CELF4: variants seen among roughly 807,000 people sequenced by gnomAD.
CELF4 encodes the protein CUGBP Elav-like family member 4, also known as CUG-BP- and ETR-3-like factor 4.
Under a neutral mutation model 59.9 loss-of-function variants are expected in CELF4, and 18 were observed. That is an observed-to-expected ratio of 0.30 (90% CI 0.21 to 0.45). The LOEUF (loss-of-function observed/expected upper bound fraction) is 0.45. Among genes scored for constraint, CELF4 ranks in the 20% least tolerant of loss-of-function variants. CELF4 has a pLI of 1.00. For missense variants in CELF4, 456 were observed against 689.0 expected (o/e 0.66, Z 3.79); for synonymous variants, 261 against 267.1 (o/e 0.98, Z 0.22).
chr18:37,396,347 ATGGGAGATCCAAATTCTTGTCCTAGC>A (rs2099244979), intron 2 of CELF4, among the ~76,000 whole-genome samples: 1 of 152,342 alleles, frequency 6.6e-6, no homozygotes, highest in South Asian at 2.1e-4. Flanking sequence ...TTGCTGCAAG[ATGGGAGATCCAAATTCTTGTCCTAGC>A]TGTGCTGCCC....
rs775605882 is a variant in CELF4, at chr18:37,270,832, G to T, written c.1035C>A (p.Pro345=). 1.2e-6 allele frequency: 2 copies of T among 1,613,938 alleles called. No individual in the cohort carries two copies. Among genetic ancestry groups the T allele is most frequent in the Admixed American group, 3.3e-5 (2 of 60,020 alleles). ...PIGVNGFTGL[P]PQANGQPAAE... ...CAGCAGGTTGCCCATTGGCCTGTGG[G>T]GGGAGGCCGGTGAAGCCATTCACCC... Residue 345 remains proline, a synonymous_variant, in exon 8 of 13, where the codon CCC becomes CCA. Coordinates refer to ENST00000420428, the MANE Select transcript of CELF4 (RefSeq NM_020180.4).
intron 1 of CELF4, among the ~76,000 whole-genome samples, chr18:37,516,623 T>C (rs945164353): frequency 2.6e-5 from 4 of 152,230 alleles, no homozygotes; most frequent in Non-Finnish European, 5.9e-5. Flanking sequence ...ATTTATGGCA[T>C]TATTCCTCAA....
At chr18:37,536,727 G>C (rs1220378208) in intron 1 of CELF4, among the ~76,000 whole-genome samples, 1 of 152,076 alleles carries the variant, frequency 6.6e-6, no homozygotes, top group Non-Finnish European at 1.5e-5. Flanking sequence ...TCTTGCACTT[G>C]CTCCCTCCCA....
intron 3 of CELF4, 87 bp from the exon 4 acceptor site, chr18:37,275,330 A>T (rs2092930359): frequency 7.3e-7 from 1 of 1,364,364 alleles, no homozygotes; most frequent in Non-Finnish European, 9.7e-7. Context: ...AGCGGCAGGG[A>T]AAGGGAGGAG....
At chr18:37,457,834 C>A (rs2099782577) in intron 2 of CELF4, among the ~76,000 whole-genome samples, 1 of 152,136 alleles carries the variant, frequency 6.6e-6, no homozygotes, top group African/African-American at 2.4e-5. Context: ...GTCCTCTATC[C>A]CTGCCCACTC....
intron 2 of CELF4, among the ~76,000 whole-genome samples, chr18:37,416,176 G>A (rs984680642): frequency 3.1e-5 from 2 of 65,528 alleles, no homozygotes; most frequent in African/African-American, 5.5e-5. Flanking sequence ...GGCCATTTGA[G>A]GTCATCCATC....
intron 2 of CELF4, among the ~76,000 whole-genome samples, chr18:37,392,126 C>T (rs2099168994): frequency 6.6e-6 from 1 of 152,218 alleles, no homozygotes; most frequent in South Asian, 2.1e-4. Context: ...CCCATATCTG[C>T]TCATCACTGT....
At chr18:37,247,654 CACAT>C (rs1213878722) in intron 12 of CELF4, 1 of 151,890 alleles carries the variant, frequency 6.6e-6, no homozygotes, top group Non-Finnish European at 1.5e-5. Flanking sequence ...CGCACGCACA[CACAT>C]ACACACATAC....
intron 10 of CELF4, among the ~76,000 whole-genome samples, chr18:37,262,872 C>G (rs1158836041): frequency 6.6e-6 from 1 of 152,164 alleles, no homozygotes; most frequent in African/African-American, 2.4e-5. Flanking sequence ...CAGTGGTAGC[C>G]CAGTGTCCCT....
rs141123314 is a variant in CELF4, at chr18:37,461,898, G to A, written c.369+23627C>T. On this transcript the variant is annotated intron_variant, in intron 2 of 12. Transcript: ENST00000420428. Reference sequence around the variant, plus strand: ...TGGTTGGATTGGAATTAGAAGCTGCGTATGTCTGACTGTTGGTGAGGATGC... The same window carrying A: ...TGGTTGGATTGGAATTAGAAGCTGCATATGTCTGACTGTTGGTGAGGATGC... Among the ~76,000 whole-genome samples the A allele has an allele frequency of 9.4e-4, 143 of 152,330 alleles. 1 individual carries two copies. The highest frequency in any genetic ancestry group is 2.8e-3 in the African/African-American group (115 of 41,572).
intron 2 of CELF4, among the ~76,000 whole-genome samples, chr18:37,476,861 C>T (rs1270613805): frequency 2.6e-5 from 4 of 152,220 alleles, no homozygotes; most frequent in African/African-American, 9.6e-5. Flanking sequence ...ACACCTCGCT[C>T]CACACATGCC....
At chr18:37,422,405 A>G (rs1370528800) in intron 2 of CELF4, among the ~76,000 whole-genome samples, 2 of 152,218 alleles carry the variant, frequency 1.3e-5, no homozygotes, top group South Asian at 2.1e-4. Context: ...ATTGGCTCCC[A>G]GCTCCCCTCC....
chr18:37,275,002 C>G, intron 4 of CELF4, 113 bp downstream of exon 4: 1 of 1,537,376 alleles, frequency 6.5e-7, no homozygotes, highest in Non-Finnish European at 8.9e-7. Context: ...GAAAGAGACA[C>G]CAAGAAGCCC....
chr18:37,473,022 G>A (rs530356059), intron 2 of CELF4, among the ~76,000 whole-genome samples: 1 of 152,204 alleles, frequency 6.6e-6, no homozygotes, highest in East Asian at 1.9e-4. Flanking sequence ...GCTTGAACAT[G>A]TCTGTGACCA....
chr18:37,565,295 C>A (rs2099987892), intron 1 of CELF4, 61 bp downstream of exon 1: 1 of 1,459,092 alleles, frequency 6.9e-7, no homozygotes, highest in Non-Finnish European at 9.1e-7. Flanking sequence ...GCCGGCCGGC[C>A]GGTCGGCCCG....
chr18:37,274,660 G>A (rs537870045), intron 5 of CELF4, 145 bp downstream of exon 5: 1 of 1,483,104 alleles, frequency 6.7e-7, no homozygotes, highest in East Asian at 2.5e-5. Context: ...AACATCCCTG[G>A]GCTTCCGCGT....
chr18:37,370,629 C>T (rs1386899304), intron 2 of CELF4, among the ~76,000 whole-genome samples: 1 of 152,102 alleles, frequency 6.6e-6, no homozygotes, highest in Non-Finnish European at 1.5e-5. Flanking sequence ...TAATGTTTGC[C>T]TAAAATCTGA....
chr18:37,378,730 C>G (rs2099001257), intron 2 of CELF4, among the ~76,000 whole-genome samples: 2 of 152,222 alleles, frequency 1.3e-5, no homozygotes, highest in Admixed American at 1.3e-4. Context: ...CCGGTCTGAG[C>G]TGATTGGCTC....
chr18:37,328,310 A>C (rs2097401221), intron 2 of CELF4, among the ~76,000 whole-genome samples: 1 of 152,194 alleles, frequency 6.6e-6, no homozygotes, highest in African/African-American at 2.4e-5. Flanking sequence ...CCTGCACTGG[A>C]AGGTGGGGAC....
Sources: allele counts gnomAD v4.1 joint callset (sites outside exome capture counted in the v4.1 genomes callset), GRCh38; gene constraint gnomAD v4.1.1; transcripts MANE v1.5; gene names NCBI Gene and HGNC (gene_info 2026-07-23, HGNC 2026-07-21).